Variants in LINGO1 observed in about 807,000 individuals in gnomAD.
The protein encoded by LINGO1 is leucine-rich repeat and immunoglobulin-like domain-containing nogo receptor-interacting protein 1.
LINGO1 carries 11 observed loss-of-function variants against 37.3 expected under a neutral mutation model. That is an observed-to-expected ratio of 0.29 (90% confidence interval 0.19 to 0.49). The LOEUF is 0.49. Ranked by LOEUF, LINGO1 falls within the 20% of genes least tolerant of loss-of-function variation. The probability of loss-of-function intolerance (pLI) is 0.99; values close to 1 mark genes in which losing one functional copy is unlikely to be tolerated. For synonymous variants in LINGO1, 387 were observed against 403.0 expected, an observed-to-expected ratio of 0.96 and a Z score of 0.48; for missense variants, 585 against 878.2, an observed-to-expected ratio of 0.67 and a Z score of 4.22.
intron 1 of LINGO1, among the ~76,000 whole-genome samples, chr15:77,744,593 T>C (rs2076294968): frequency 6.6e-6 from 1 of 152,248 alleles, no homozygotes; most frequent in Admixed American, 6.5e-5. Flanking sequence ...AGTTAATATG[T>C]AGTCAGCATT....
intron 2 of LINGO1, among the ~76,000 whole-genome samples, chr15:77,709,936 A>C (rs1234132413): frequency 6.6e-6 from 1 of 152,184 alleles, no homozygotes; most frequent in Non-Finnish European, 1.5e-5. Flanking sequence ...CCCCAGACCT[A>C]GTTTGGCTTC....
At chr15:77,668,834 C>CACACAG in intron 3 of LINGO1, among the ~76,000 whole-genome samples, 1 of 148,148 alleles carries the variant, frequency 6.8e-6, no homozygotes, top group Non-Finnish European at 1.5e-5. Context: ...CACACACACA[C>CACACAG]ACAGAGCATC....
intron 1 of LINGO1, among the ~76,000 whole-genome samples, chr15:77,749,874 G>A (rs181422465): frequency 8.5e-5 from 13 of 152,282 alleles, no homozygotes; most frequent in African/African-American, 2.4e-4. Context: ...AGTAGGGTGC[G>A]GAACCGGACT....
chr15:77,662,527 C>T (rs2075018333), intron 3 of LINGO1, among the ~76,000 whole-genome samples: 2 of 152,232 alleles, frequency 1.3e-5, no homozygotes, highest in East Asian at 1.9e-4. Flanking sequence ...CTTTCCAGCC[C>T]CCTCTAACTC....
intron 2 of LINGO1, among the ~76,000 whole-genome samples, chr15:77,688,983 G>T (rs1427915265): frequency 2.6e-5 from 4 of 152,230 alleles, no homozygotes; most frequent in African/African-American, 9.6e-5. Context: ...TCTGTGAAAA[G>T]GGTGGAGCTG....
intron 1 of LINGO1, among the ~76,000 whole-genome samples, chr15:77,818,515 C>T (rs2077066836): frequency 6.6e-6 from 1 of 152,228 alleles, no homozygotes; most frequent in African/African-American, 2.4e-5. Flanking sequence ...GACCTGGAGA[C>T]GCCCCCGGCC....
chr15:77,632,344 C>G lies in LINGO1; in HGVS notation c.-29G>C, dbSNP rs1176861430. ...GGGCGCGCCTTCGGTCCGCTCGGCT[C>G]GGTCACCAATCGCATGTCTCTCCAG... On this transcript the variant is annotated 5_prime_UTR_variant, in exon 1 of 2. Coordinates refer to ENST00000355300, the MANE Select transcript of LINGO1 (RefSeq NM_032808.7). The surrounding 1 kb of genome is among the most constrained non-coding windows in gnomAD (Gnocchi z 6.0). 2 of 1,428,678 alleles carry G rather than the reference C, an allele frequency of 1.4e-6. No individual in the cohort carries two copies. Among genetic ancestry groups the G allele is most frequent in the Non-Finnish European group, 1.8e-6 (2 of 1,090,368 alleles). The allele number at this position is 1,428,678 out of a possible 1,614,324, so 88.5% of individuals were successfully genotyped here.
chr15:77,616,954 C>T (rs1008246369), intron 1 of LINGO1, among the ~76,000 whole-genome samples: 1 of 152,206 alleles, frequency 6.6e-6, no homozygotes, highest in Non-Finnish European at 1.5e-5. Flanking sequence ...CCACCTTCTT[C>T]CTAGTACCAG....
At chr15:77,639,608 G>A (rs2074460235) in intron 3 of LINGO1, among the ~76,000 whole-genome samples, 1 of 152,102 alleles carries the variant, frequency 6.6e-6, no homozygotes. Flanking sequence ...ACAGAACACG[G>A]TACATTCGCA....
intron 2 of LINGO1, among the ~76,000 whole-genome samples, chr15:77,702,469 C>T (rs1314487361): frequency 6.6e-6 from 1 of 152,142 alleles, no homozygotes; most frequent in African/African-American, 2.4e-5. Flanking sequence ...GGAGGCTTTG[C>T]CTCCTTCAGT....
chr15:77,698,947 T>C (rs1360486307), upstream of LINGO1, among the ~76,000 whole-genome samples: 1 of 152,136 alleles, frequency 6.6e-6, no homozygotes, highest in Non-Finnish European at 1.5e-5. Flanking sequence ...TGCAGTGGCC[T>C]TAGGCTGCTC....
At chr15:77,711,285 T>C (rs1046002613) in intron 2 of LINGO1, among the ~76,000 whole-genome samples, 3 of 152,270 alleles carry the variant, frequency 2.0e-5, no homozygotes, top group Admixed American at 2.0e-4. Flanking sequence ...GCTTATTATT[T>C]TGTCCTGTCT....
At chr15:77,726,229 C>T (rs1225942966) in intron 2 of LINGO1, among the ~76,000 whole-genome samples, 1 of 152,204 alleles carries the variant, frequency 6.6e-6, no homozygotes, top group Non-Finnish European at 1.5e-5. Flanking sequence ...ACCTGTGTCT[C>T]CGCCCCTGTG....
intron 2 of LINGO1, among the ~76,000 whole-genome samples, chr15:77,727,746 TAAAA>T (rs1245725098): frequency 6.9e-6 from 1 of 144,918 alleles, no homozygotes; most frequent in African/African-American, 2.5e-5. Context: ...TACCATAATT[TAAAA>T]AAAAAAAGAA....
chr15:77,631,969 G>A (rs1345572083), intron 1 of LINGO1, among the ~76,000 whole-genome samples: 6 of 152,124 alleles, frequency 3.9e-5, no homozygotes, highest in Non-Finnish European at 8.8e-5. Flanking sequence ...GGGCTGAGCA[G>A]GGGGCTTACC....
intron 1 of LINGO1, among the ~76,000 whole-genome samples, chr15:77,771,707 G>T (rs571398121): frequency 1.3e-5 from 2 of 152,222 alleles, no homozygotes; most frequent in East Asian, 3.9e-4. Context: ...GCCCAGGAAG[G>T]AATGGGACTC....
At chr15:77,637,999 C>T (rs1466060643), upstream of LINGO1, among the ~76,000 whole-genome samples, 1 of 152,250 alleles carries the variant, frequency 6.6e-6, no homozygotes, top group East Asian at 1.9e-4. This position sits in a 1 kb window ranked among gnomAD's most constrained non-coding sequence, Gnocchi z 4.6. Context: ...ACCCATGCCT[C>T]CAAGGAAATG....
chr15:77,699,252 C>T (rs1413217355), upstream of LINGO1, among the ~76,000 whole-genome samples: 2 of 149,188 alleles, frequency 1.3e-5, no homozygotes, highest in Non-Finnish European at 3.0e-5. Flanking sequence ...CACCGATGGT[C>T]AGGAAAGCAC....
chr15:77,697,106 T>C (rs1319246555), upstream of LINGO1, among the ~76,000 whole-genome samples: 3 of 152,232 alleles, frequency 2.0e-5, no homozygotes, highest in Non-Finnish European at 4.4e-5. Flanking sequence ...ATCATGCCAC[T>C]GCACTCCAGC....
Sources: allele counts gnomAD v4.1 joint callset (sites outside exome capture counted in the v4.1 genomes callset), GRCh38; gene constraint gnomAD v4.1.1; non-coding constraint Gnocchi (gnomAD v3.1); transcripts MANE v1.5; gene names NCBI Gene and HGNC (gene_info 2026-07-23, HGNC 2026-07-21).